The following ZNF536 variants were observed in gnomAD, a reference collection of about 807,000 sequenced individuals.
ZNF536 encodes the protein zinc finger protein 536.
In ZNF536, 13 loss-of-function variants were observed where a neutral mutation model predicts 84.5. That is an observed-to-expected ratio of 0.15 (90% CI 0.10 to 0.24). ZNF536 has a LOEUF of 0.24. Among genes scored for constraint, ZNF536 ranks in the 10% least tolerant of loss-of-function variants. The pLI is 1.00. For missense variants in ZNF536, 1,536 were observed against 1,747.5 expected (o/e 0.88, Z 2.16); for synonymous variants, 811 against 742.5 (o/e 1.09, Z -1.50).
rs538399075 is a variant in ZNF536 at position 30,378,885 on chromosome 19, G to A, written c.-3+6329G>A. 5.3e-5 allele frequency among the ~76,000 whole-genome samples: 8 copies of A among 152,278 alleles called. No homozygotes were observed. In the South Asian group the frequency reaches 6.2e-4, roughly 12 times the overall value. ...CCTGAGGGCCTCCTGTGTGCAAAAC[G>A]CTGTGCCAGTGCTGGAGGGACAAAG... On this transcript the variant is annotated intron_variant, in intron 1 of 4. Coordinates refer to ENST00000355537, the MANE Select transcript of ZNF536 (RefSeq NM_014717.3).
intron 2 of ZNF536, among the ~76,000 whole-genome samples, chr19:30,491,230 C>A (rs182129217): frequency 6.6e-6 from 1 of 152,240 alleles, no homozygotes; most frequent in African/African-American, 2.4e-5. Flanking sequence ...CTAAGAGAAG[C>A]GACTTTCAGA....
chr19:30,382,635 A>G (rs923655563), intron 1 of ZNF536, among the ~76,000 whole-genome samples: 5 of 151,714 alleles, frequency 3.3e-5, no homozygotes, highest in African/African-American at 1.2e-4. Flanking sequence ...TTTTGGTCCC[A>G]CTTGTAAGTT....
chr19:30,352,903 T>C (rs1600346677), intron 3 of ZNF536, among the ~76,000 whole-genome samples: 1 of 152,350 alleles, frequency 6.6e-6, no homozygotes, highest in East Asian at 1.9e-4. Context: ...TGCTGTTATT[T>C]TGAGTAGTTT....
intron 1 of ZNF536, among the ~76,000 whole-genome samples, chr19:30,689,037 A>C (rs1337261969): frequency 6.6e-6 from 1 of 152,182 alleles, no homozygotes; most frequent in Non-Finnish European, 1.5e-5. Context: ...TGAGCTCTCG[A>C]TGTGTGTCAT....
intron 1 of ZNF536, among the ~76,000 whole-genome samples, chr19:30,651,144 G>A (rs1221013084): frequency 6.6e-6 from 1 of 152,208 alleles, no homozygotes; most frequent in Non-Finnish European, 1.5e-5. Flanking sequence ...GGCAGGTAGG[G>A]GAGCCTCAGA....
chr19:30,526,443 G>GCTTGGGAAAACCAGAAACAAATTT (rs1555790059), intron 2 of ZNF536, among the ~76,000 whole-genome samples: 3 of 149,996 alleles, frequency 2.0e-5, no homozygotes, highest in Non-Finnish European at 3.0e-5. Flanking sequence ...CAGGTTCAGG[G>GCTTGGGAAAACCAGAAACAAATTT]GCCGGGCGCG....
chr19:30,364,615 G>A (rs1211744606), intron 3 of ZNF536, among the ~76,000 whole-genome samples: 1 of 152,232 alleles, frequency 6.6e-6, no homozygotes, highest in Non-Finnish European at 1.5e-5. Context: ...CAGGAAGAAA[G>A]ATGGAAATTG....
At chr19:30,706,041 A>G (rs2052212862) in intron 1 of ZNF536, among the ~76,000 whole-genome samples, 1 of 152,236 alleles carries the variant, frequency 6.6e-6, no homozygotes, top group Non-Finnish European at 1.5e-5. Flanking sequence ...TTCATTGCAA[A>G]TAAAGGTGAT....
chr19:30,569,435 ATCC>A (rs2046460544), intron 1 of ZNF536, among the ~76,000 whole-genome samples: 2 of 151,552 alleles, frequency 1.3e-5, no homozygotes, highest in Non-Finnish European at 2.9e-5. Context: ...GAGGTCTGTC[ATCC>A]TCCTGTGCCC....
intron 3 of ZNF536, among the ~76,000 whole-genome samples, chr19:30,354,227 G>A (rs2048024544): frequency 6.6e-6 from 1 of 151,562 alleles, no homozygotes; most frequent in African/African-American, 2.4e-5. Flanking sequence ...CACAGAGAGC[G>A]GGAGGAGGAG....
downstream of ZNF536, among the ~76,000 whole-genome samples, chr19:30,559,436 C>CA (rs2046078793): frequency 6.6e-6 from 1 of 152,186 alleles, no homozygotes; most frequent in African/African-American, 2.4e-5. Context: ...TCTTTATTTG[C>CA]AATGTCCCCT....
At chr19:30,345,197 C>G (rs1662139119) in intron 2 of ZNF536, among the ~76,000 whole-genome samples, 1 of 152,034 alleles carries the variant, frequency 6.6e-6, no homozygotes, top group Non-Finnish European at 1.5e-5. Context: ...TTGTCAGATG[C>G]CCCAGGTCCA....
intron 3 of ZNF536, among the ~76,000 whole-genome samples, chr19:30,362,887 C>T (rs184247731): frequency 1.3e-5 from 2 of 152,098 alleles, no homozygotes; most frequent in South Asian, 2.1e-4. Flanking sequence ...GGTAAAACCC[C>T]GTCTCTACTA....
chr19:30,361,919 C>T (rs1205281834), intron 3 of ZNF536, among the ~76,000 whole-genome samples: 1 of 152,138 alleles, frequency 6.6e-6, no homozygotes, highest in African/African-American at 2.4e-5. Flanking sequence ...CCTCTTGGCC[C>T]TTCAGAGGTC....
chr19:30,568,466 AACTTTTT>A (rs1243857080), intron 1 of ZNF536, among the ~76,000 whole-genome samples: 1 of 152,234 alleles, frequency 6.6e-6, no homozygotes, highest in Non-Finnish European at 1.5e-5. Flanking sequence ...CTTTACATTA[AACTTTTT>A]ACTTTTTAAA....
intron 1 of ZNF536, among the ~76,000 whole-genome samples, chr19:30,709,319 A>G (rs2052368607): frequency 6.6e-6 from 1 of 152,098 alleles, no homozygotes; most frequent in South Asian, 2.1e-4. Context: ...GGTCCCGACA[A>G]CTTTCGCTGC....
At chr19:30,610,407 C>A (rs1042473519) in intron 1 of ZNF536, among the ~76,000 whole-genome samples, 3 of 152,080 alleles carry the variant, frequency 2.0e-5, no homozygotes, top group Non-Finnish European at 4.4e-5. Flanking sequence ...CTTCAGATCC[C>A]CCTTGGTGGC....
chr19:30,444,298 C>T lies in ZNF536; in HGVS notation c.736C>T (p.His246Tyr), dbSNP rs2148178037. Reference sequence around the variant, plus strand: ...CTGCACCCTGGCCCTGCAGGCTAACCACAGCGTTCCCGACGTGGCCCACCC... The same window carrying T: ...CTGCACCCTGGCCCTGCAGGCTAACTACAGCGTTCCCGACGTGGCCCACCC... ...AACTLALQAN[H>Y]SVPDVAHPVP... The change falls in exon 2 of 5, where the codon CAC becomes TAC. Residue 246 changes from histidine (H) to tyrosine (Y), a missense_variant. Physicochemically the swap from His to Tyr is moderately conservative, Grantham distance 83. Around this residue, in one of 8 missense-constraint regions of ZNF536, gnomAD observed 138 missense variants for 136.8 expected, o/e 1.01. Transcript: ENST00000355537. 1 of 1,579,116 alleles carries T rather than the reference C, an allele frequency of 6.3e-7. No homozygotes were observed. Among genetic ancestry groups the T allele is most frequent in the Non-Finnish European group, 8.5e-7 (1 of 1,170,182 alleles).
intron 2 of ZNF536, among the ~76,000 whole-genome samples, chr19:30,504,987 G>A (rs1188673033): frequency 6.6e-6 from 1 of 152,072 alleles, no homozygotes; most frequent in East Asian, 1.9e-4. Flanking sequence ...TTGGTTTACT[G>A]ATAGATTGAT....
Sources: gnomAD v4.1 joint callset for allele counts (sites outside exome capture counted in the v4.1 genomes callset) on GRCh38, gnomAD v4.1.1 for gene constraint, gnomAD v4.1.1 regional missense constraint, MANE v1.5 for transcripts, NCBI Gene and HGNC (gene_info 2026-07-23, HGNC 2026-07-21) for gene names.